Variants in RGS8 observed in about 807,000 individuals in gnomAD.
RGS8 encodes the protein regulator of G-protein signaling 8.
In RGS8, 8 loss-of-function variants were observed where a neutral mutation model predicts 21.7. That is an observed-to-expected ratio of 0.37 (90% CI 0.22 to 0.66). The LOEUF (loss-of-function observed/expected upper bound fraction) is 0.66. Among genes scored for constraint, RGS8 ranks in the 30% least tolerant of loss-of-function variants. RGS8 has a pLI of 0.59. For synonymous variants in RGS8, 80 were observed against 83.6 expected, an observed-to-expected ratio of 0.96 and a Z score of 0.24; for missense variants, 157 against 217.9, an observed-to-expected ratio of 0.72 and a Z score of 1.76.
the RGS8 span, among the ~76,000 whole-genome samples, chr1:182,731,587 A>G: frequency 2.0e-5 from 3 of 152,206 alleles, no homozygotes; most frequent in African/African-American, 7.2e-5. Flanking sequence ...ATCCCAACTA[A>G]TATCACATTA....
the RGS8 span, among the ~76,000 whole-genome samples, chr1:182,720,328 T>C: frequency 6.6e-6 from 1 of 152,340 alleles, no homozygotes; most frequent in Admixed American, 6.5e-5. Context: ...GTGGACTACA[T>C]GGTGTCATTT....
At chr1:182,646,646 T>G in exon 7 of RGS8, 1 of 1,288,622 alleles carries the variant, frequency 7.8e-7, no homozygotes, top group South Asian at 1.5e-5. Context: ...CCACCGCTTT[T>G]GAACACCTAT....
At chr1:182,645,743 T>C (rs915936505), downstream of RGS8, 1 of 152,060 alleles carries the variant, frequency 6.6e-6, no homozygotes, top group Non-Finnish European at 1.5e-5. Context: ...ATGACCGGCA[T>C]GGAAGGGGGG....
chr1:182,681,350 T>G (rs1664529644), intron 1 of RGS8, among the ~76,000 whole-genome samples: 1 of 152,210 alleles, frequency 6.6e-6, no homozygotes, highest in South Asian at 2.1e-4. Flanking sequence ...TAACAAAAGC[T>G]TTACCATTTG....
chr1:182,673,068 G>T, upstream of RGS8: 1 of 582,712 alleles, frequency 1.7e-6, no homozygotes, highest in Non-Finnish European at 3.1e-6. Context: ...CTGGGAGAAA[G>T]CTTGTCTTCT....
chr1:182,743,073 G>A, the RGS8 span, among the ~76,000 whole-genome samples: 1 of 152,102 alleles, frequency 6.6e-6, no homozygotes, highest in Non-Finnish European at 1.5e-5. Flanking sequence ...TCAATCTACT[G>A]GGAAGATGAC....
the RGS8 span, among the ~76,000 whole-genome samples, chr1:182,715,992 C>A: frequency 6.6e-6 from 1 of 152,138 alleles, no homozygotes; most frequent in Non-Finnish European, 1.5e-5. Context: ...ATATTCAAGT[C>A]CCTCATATAA....
chr1:182,679,246 C>T (rs1186875919), intron 1 of RGS8, among the ~76,000 whole-genome samples: 3 of 152,120 alleles, frequency 2.0e-5, no homozygotes, highest in African/African-American at 7.2e-5. Flanking sequence ...CACTTCCTAT[C>T]CCCTCCTAAC....
chr1:182,671,594 A>G, intron 2 of RGS8, 63 bp downstream of exon 3: 2 of 1,423,238 alleles, frequency 1.4e-6, no homozygotes, highest in African/African-American at 1.4e-5. Flanking sequence ...TTAAATATGG[A>G]TAATGCAATC....
chr1:182,646,801 G>A lies in RGS8; in HGVS notation c.477C>T (p.Tyr159=), dbSNP rs200012273. The change falls in exon 7 of 7, where the codon TAC becomes TAT. Residue 159 remains tyrosine (Y), a synonymous_variant. Coordinates refer to ENST00000483095, the Ensembl canonical transcript of RGS8. ...ACATTTTGGACCTCAGGAACCTGGG[G>A]TAAGAGTCTTTCTCCATGAGGCTGT... 413 of 1,614,024 alleles carry A rather than the reference G, an allele frequency of 2.6e-4. 1 individual carries two copies. The highest frequency in any genetic ancestry group is 2.5e-4 in the Non-Finnish European group (296 of 1,180,042).
At chr1:182,643,911 C>A (rs148299068), downstream of RGS8, 1,370 of 152,450 alleles carry the variant, frequency 9.0e-3, 17 homozygotes, top group Middle Eastern at 0.014. Context: ...CTAGACTTGC[C>A]TGGACTTGCC....
At chr1:182,689,281 AC>A (rs1321982297), upstream of RGS8, among the ~76,000 whole-genome samples, 1 of 147,618 alleles carries the variant, frequency 6.8e-6, no homozygotes, top group Non-Finnish European at 1.5e-5. Flanking sequence ...ACACACACAC[AC>A]ACACACACAC....
chr1:182,742,183 C>T, the RGS8 span, among the ~76,000 whole-genome samples: 7 of 150,554 alleles, frequency 4.6e-5, no homozygotes, highest in Non-Finnish European at 1.0e-4. Context: ...GATGTGATGG[C>T]GGCCGGGAAG....
At chr1:182,677,313 TTCA>T (rs1321852201), upstream of RGS8, among the ~76,000 whole-genome samples, 2 of 152,266 alleles carry the variant, frequency 1.3e-5, no homozygotes, top group South Asian at 2.1e-4. Flanking sequence ...TAATGCAGTC[TTCA>T]TCACAATTCT....
the RGS8 span, among the ~76,000 whole-genome samples, chr1:182,705,532 AT>A: frequency 2.6e-5 from 4 of 151,806 alleles, no homozygotes; most frequent in Admixed American, 6.6e-5. Context: ...GAATCCCAAG[AT>A]TTTTTTTATA....
At chr1:182,745,764 A>C in the RGS8 span, among the ~76,000 whole-genome samples, 1 of 152,206 alleles carries the variant, frequency 6.6e-6, no homozygotes, top group African/African-American at 2.4e-5. Flanking sequence ...CACTGAGCAT[A>C]ATCTCTTACC....
At chr1:182,684,898 G>A (rs555417598), upstream of RGS8, among the ~76,000 whole-genome samples, 7 of 152,296 alleles carry the variant, frequency 4.6e-5, no homozygotes, top group Admixed American at 3.3e-4. This position sits in a 1 kb window ranked among gnomAD's most constrained non-coding sequence, Gnocchi z 4.2. Flanking sequence ...ACCTGCTTTT[G>A]CTCAAAACAT....
the RGS8 span, among the ~76,000 whole-genome samples, chr1:182,729,779 ACT>A: frequency 6.6e-6 from 1 of 152,186 alleles, no homozygotes; most frequent in Non-Finnish European, 1.5e-5. Context: ...AGTTTAAAAG[ACT>A]CTGAAAGGTG....
rs532707797 is a variant in RGS8 at position 182,652,620 on chromosome 1, G to T, written c.194-4317C>A. ...TTCATTCACTTGTTATGTGACTCAGGCTATGCTATGTGCTAAAAGCAGATA... is the reference window on the plus strand; with the variant it reads ...TTCATTCACTTGTTATGTGACTCAGTCTATGCTATGTGCTAAAAGCAGATA... On this transcript the variant is annotated intron_variant, in intron 5 of 6. Coordinates refer to ENST00000483095, the Ensembl canonical transcript of RGS8. 1.6e-4 allele frequency among the ~76,000 whole-genome samples: 24 copies of T among 152,318 alleles called. No individual in the cohort carries two copies. The South Asian group carries it at 5.0e-3, about 32-fold the overall frequency.
Sources: gnomAD v4.1 joint callset for allele counts (sites outside exome capture counted in the v4.1 genomes callset) on GRCh38, gnomAD v4.1.1 for gene constraint, Gnocchi (gnomAD v3.1) non-coding constraint, MANE v1.5 for transcripts, NCBI Gene and HGNC (gene_info 2026-07-23, HGNC 2026-07-21) for gene names.